Variants in LAMP2 observed in about 807,000 individuals in gnomAD.
The protein encoded by LAMP2 is lysosome-associated membrane glycoprotein 2.
LAMP2 carries 4 observed loss-of-function variants against 25.6 expected under a neutral mutation model. The observed-to-expected ratio is 0.16, with a 90% CI of 0.08 to 0.36. LAMP2 has a LOEUF of 0.36. Among genes scored for constraint, LAMP2 ranks in the 10% least tolerant of loss-of-function variants. The pLI, the probability that LAMP2 is intolerant of heterozygous loss-of-function variation, is 1.00. For missense variants in LAMP2, 272 were observed against 301.4 expected (o/e 0.90, Z 0.72); for synonymous variants, 108 against 112.7 (o/e 0.96, Z 0.27).
chrX:120,446,507 A>T (rs905573281), intron 5 of LAMP2, 80 bp from the exon 6 acceptor site: 1 of 1,022,156 alleles, frequency 9.8e-7, no homozygotes, highest in African/African-American at 1.9e-5. Context: ...ACCAAACAAA[A>T]TCAACTTCAG....
intron 6 of LAMP2, 91 bp from the exon 7 acceptor site, chrX:120,442,753 AAC>A: frequency 1.5e-6 from 1 of 672,139 alleles, no homozygotes. Context: ...AAAGCAATCT[AAC>A]ACTATTACAC....
chrX:120,433,853 T>C (rs2058532290), intron 8 of LAMP2, among the ~76,000 whole-genome samples: 1 of 112,151 alleles, frequency 8.9e-6, no homozygotes, highest in South Asian at 3.7e-4. Flanking sequence ...TGATTGTGCT[T>C]GCATTCAAGA....
In LAMP2 at chrX:120,442,020, C is replaced by T. The variant is rs7888393; in HGVS notation, c.929-126G>A. The T allele has an allele frequency of 3.8e-3, 2,157 of 570,626 alleles. 30 individuals carry two copies. The African/African-American group carries it at 0.04, about 11-fold the overall frequency. 47.0% of individuals were successfully genotyped at this position (570,626 alleles called of 1,213,427 possible). Reference sequence around the variant, plus strand: ...TTGGGAAGCCAAGGTGGGCAGATCACGTGAGCCCAGGAGATCAAGACCAGC... The same window carrying T: ...TTGGGAAGCCAAGGTGGGCAGATCATGTGAGCCCAGGAGATCAAGACCAGC... On this transcript the variant is annotated intron_variant, in intron 7 of 8. Transcript: ENST00000200639.
At chrX:120,454,674 A>C (rs1432648242) in intron 3 of LAMP2, among the ~76,000 whole-genome samples, 1 of 109,792 alleles carries the variant, frequency 9.1e-6, no homozygotes, top group Non-Finnish European at 1.9e-5. Flanking sequence ...ACTGAATGAA[A>C]TCAATAATAG....
intron 3 of LAMP2, among the ~76,000 whole-genome samples, chrX:120,452,172 T>TA (rs1351543592): frequency 9.0e-6 from 1 of 111,479 alleles, no homozygotes; most frequent in Non-Finnish European, 1.9e-5. Context: ...TCTCCTGCTT[T>TA]AAAAACCTAA....
At chrX:120,441,111 T>A (rs1011951095) in intron 8 of LAMP2, among the ~76,000 whole-genome samples, 1 of 112,290 alleles carries the variant, frequency 8.9e-6, no homozygotes, top group East Asian at 2.8e-4. Context: ...TTTTTCTTCA[T>A]GCAAATTTTA....
intron 1 of LAMP2, among the ~76,000 whole-genome samples, chrX:120,463,159 G>C (rs922598688): frequency 4.5e-5 from 5 of 111,558 alleles, no homozygotes; most frequent in Non-Finnish European, 9.4e-5. Context: ...TTTCCTACAA[G>C]TTTAAGTCAG....
intron 7 of LAMP2, 69 bp from the exon 8 acceptor site, chrX:120,441,963 G>A: frequency 1.0e-6 from 1 of 990,771 alleles, no homozygotes; most frequent in African/African-American, 1.9e-5. Flanking sequence ...AGTTGGCCAG[G>A]CACAGTGGCT....
Position 120,429,052 on chromosome X carries a change from A to G in LAMP2, c.*2271T>C. The G allele has an allele frequency of 1.7e-6, 1 of 578,280 alleles. No individual in the cohort carries two copies. The highest frequency in any genetic ancestry group is 2.1e-6 in the Non-Finnish European group (1 of 480,615). 47.7% of individuals were successfully genotyped at this position (578,280 alleles called of 1,213,427 possible). ...AAATTTAAGTTAAAAAAGACTTAGG[A>G]TCAAGAATGTAGTATATATATACAT... On this transcript the variant is annotated 3_prime_UTR_variant, in exon 9 of 9. Coordinates refer to ENST00000200639, the MANE Select transcript of LAMP2 (RefSeq NM_002294.3).
rs1182361428 is a variant in LAMP2 at position 120,437,344 on chromosome X, A to G, written c.1093+4386T>C. 5 of 743,572 alleles carry G rather than the reference A, an allele frequency of 6.7e-6. No individual in the cohort carries two copies. In the African/African-American group the frequency reaches 7.2e-5, roughly 11 times the overall value. 61.3% of individuals were successfully genotyped at this position (743,572 alleles called of 1,213,427 possible). On this transcript the variant is annotated intron_variant, in intron 8 of 8. Coordinates refer to ENST00000200639, the MANE Select transcript of LAMP2 (RefSeq NM_002294.3). ...CTGTGTGTGTGTATTGATCCATTCA[A>G]TGTCAATATTTTGGAACCCAGACAA...
At chrX:120,435,390 T>C (rs1215418250) in intron 8 of LAMP2, among the ~76,000 whole-genome samples, 1 of 111,365 alleles carries the variant, frequency 9.0e-6, no homozygotes, top group African/African-American at 3.3e-5. Flanking sequence ...GAAAAGGAGA[T>C]GGGTGGAAGA....
chrX:120,469,292 A>G lies in LAMP2; in HGVS notation c.-123T>C. The G allele has an allele frequency of 1.4e-6, 1 of 689,887 alleles. No homozygotes were observed. The highest frequency in any genetic ancestry group is 2.3e-5 in the South Asian group (1 of 42,896). 56.9% of individuals were successfully genotyped at this position (689,887 alleles called of 1,213,427 possible). On this transcript the variant is annotated 5_prime_UTR_variant, in exon 1 of 9. Transcript: ENST00000200639. The stretch of plus-strand genomic sequence containing the variant: ...GATGACCACCGACCACAGCCTTGCA[A>G]AAGCCAGGAATCGGCGCTTCAGTGC...
At chrX:120,437,908 T>C in intron 8 of LAMP2, 2 of 505,895 alleles carry the variant, frequency 4.0e-6, no homozygotes, top group Non-Finnish European at 4.8e-6. Flanking sequence ...CAGGCTGGAG[T>C]GCAATGGTGC....
In LAMP2 at chrX:120,469,282, C is replaced by T. The variant is rs935661635; in HGVS notation, c.-113G>A. Reference sequence around the variant, plus strand: ...CAAGAGCACTGATGACCACCGACCACAGCCTTGCAAAAGCCAGGAATCGGC... The same window carrying T: ...CAAGAGCACTGATGACCACCGACCATAGCCTTGCAAAAGCCAGGAATCGGC... On this transcript the variant is annotated 5_prime_UTR_variant, in exon 1 of 9. The change creates a new upstream start codon in the 5' untranslated region. Coordinates refer to ENST00000200639, the MANE Select transcript of LAMP2 (RefSeq NM_002294.3). 2.6e-6 allele frequency: 2 copies of T among 757,911 alleles called. No homozygotes were observed. Among genetic ancestry groups the T allele is most frequent in the African/African-American group, 4.2e-5 (2 of 48,143 alleles). 62.5% of individuals were successfully genotyped at this position (757,911 alleles called of 1,213,427 possible). A position where few individuals can be genotyped will look rare whatever the true frequency, so the allele number is the denominator to read the frequency against.
chrX:120,469,292 A>T lies in LAMP2; in HGVS notation c.-123T>A. The stretch of plus-strand genomic sequence containing the variant: ...GATGACCACCGACCACAGCCTTGCA[A>T]AAGCCAGGAATCGGCGCTTCAGTGC... On this transcript the variant is annotated 5_prime_UTR_variant, in exon 1 of 9. It adds an upstream start codon to the 5' untranslated region. Transcript: ENST00000200639. 1 of 689,887 alleles carries T rather than the reference A, an allele frequency of 1.4e-6. No homozygotes were observed. The highest frequency in any genetic ancestry group is 2.3e-6 in the Non-Finnish European group (1 of 441,671). The allele number at this position is 689,887 out of a possible 1,213,427, so 56.9% of individuals were successfully genotyped here.
Position 120,431,369 on chromosome X carries a change from T to C in LAMP2, c.1187A>G (p.Tyr396Cys). The part of the protein sequence containing the change: ...AGVLILVLLA[Y>C]FIGLKHHHAG... ...ATGATGGTGCTTGAGACCAATAAAA[T>C]AAGCCAGCAACACTAGAATAAGTAC... is the stretch of plus-strand genomic sequence containing the variant. Residue 396 changes from tyrosine (Y) to cysteine (C), a missense_variant, in exon 9 of 9, where the codon TAT becomes TGT. Coordinates refer to ENST00000200639, the MANE Select transcript of LAMP2 (RefSeq NM_002294.3). The C allele has an allele frequency of 8.3e-7, 1 of 1,210,171 alleles. No homozygotes were observed. The highest frequency in any genetic ancestry group is 1.1e-6 in the Non-Finnish European group (1 of 894,066).
At chrX:120,443,217 C>G (rs1357540629) in intron 6 of LAMP2, among the ~76,000 whole-genome samples, 2 of 111,328 alleles carry the variant, frequency 1.8e-5, no homozygotes, top group Non-Finnish European at 3.8e-5. Flanking sequence ...AGTGAGAAGT[C>G]ATGAAAATAG....
intron 2 of LAMP2, among the ~76,000 whole-genome samples, chrX:120,455,980 G>A (rs1921077254): frequency 9.9e-6 from 1 of 101,496 alleles, no homozygotes; most frequent in Non-Finnish European, 2.0e-5. Context: ...TGGTGCAAAA[G>A]TAATTGTGGT....
At chrX:120,463,725 G>A (rs750961656) in intron 1 of LAMP2, among the ~76,000 whole-genome samples, 15 of 110,124 alleles carry the variant, frequency 1.4e-4, no homozygotes, top group Non-Finnish European at 1.9e-5. Context: ...CCTATCAGAT[G>A]TGACAATCTG....
Sources: allele counts gnomAD v4.1 joint callset (sites outside exome capture counted in the v4.1 genomes callset), GRCh38; gene constraint gnomAD v4.1.1; transcripts MANE v1.5; gene names NCBI Gene and HGNC (gene_info 2026-07-23, HGNC 2026-07-21).